The following FERRY3 variants were observed in gnomAD, a reference collection of about 807,000 sequenced individuals.
The protein encoded by FERRY3 is protein C12orf4.
At chr12:4,497,047 C>T in the FERRY3 span, among the ~76,000 whole-genome samples, 1 of 152,096 alleles carries the variant, frequency 6.6e-6, no homozygotes. Context: ...TTTTGACAAG[C>T]TAATTCTCAA....
the FERRY3 span, among the ~76,000 whole-genome samples, chr12:4,520,110 G>A: frequency 3.9e-5 from 6 of 152,314 alleles, no homozygotes; most frequent in South Asian, 1.2e-3. Context: ...GGGGTAAAAA[G>A]AAAGCAGCTA....
At chr12:4,509,366 C>G in the FERRY3 span, 1 of 170,350 alleles carries the variant, frequency 5.9e-6, no homozygotes, top group Non-Finnish European at 1.2e-5. Context: ...AACAAAGCAG[C>G]CGGGAAGCTC....
the FERRY3 span, among the ~76,000 whole-genome samples, chr12:4,533,313 G>A: frequency 3.3e-5 from 5 of 152,180 alleles, no homozygotes; most frequent in East Asian, 9.7e-4. Context: ...CTGACCTTGT[G>A]TTCCCATTTA....
At chr12:4,495,750 C>G in the FERRY3 span, among the ~76,000 whole-genome samples, 5,520 of 152,186 alleles carry the variant, frequency 0.036, 333 homozygotes, top group African/African-American at 0.12. Flanking sequence ...TAATACCCTG[C>G]TTTCTTGCTT....
the FERRY3 span, chr12:4,535,967 C>T: frequency 1.0e-5 from 14 of 1,391,948 alleles, no homozygotes; most frequent in Non-Finnish European, 1.3e-5. This position sits in a 1 kb window ranked among gnomAD's most constrained non-coding sequence, Gnocchi z 4.0. Context: ...CAATGACAGA[C>T]TATTGAAACT....
the FERRY3 span, among the ~76,000 whole-genome samples, chr12:4,521,231 C>T: frequency 2.4e-4 from 37 of 151,904 alleles, no homozygotes; most frequent in Non-Finnish European, 3.8e-4. Context: ...TGGTGGCATA[C>T]GCCTGTAATC....
At chr12:4,505,437 T>G in the FERRY3 span, 1 of 1,193,658 alleles carries the variant, frequency 8.4e-7, no homozygotes, top group Admixed American at 2.0e-5. Flanking sequence ...AATATGTTAC[T>G]ATGACTGCTC....
At chr12:4,518,627 G>A in the FERRY3 span, 1 of 555,868 alleles carries the variant, frequency 1.8e-6, no homozygotes, top group Non-Finnish European at 3.0e-6. Flanking sequence ...GGAGGCCAAG[G>A]TGGGTGGATT....
At chr12:4,522,470 C>T in the FERRY3 span, among the ~76,000 whole-genome samples, 35 of 152,280 alleles carry the variant, frequency 2.3e-4, no homozygotes, top group African/African-American at 8.2e-4. Context: ...AGTAAAATTA[C>T]GAGCTATCAC....
At chr12:4,513,399 A>C in the FERRY3 span, among the ~76,000 whole-genome samples, 9 of 151,942 alleles carry the variant, frequency 5.9e-5, no homozygotes, top group Non-Finnish European at 4.4e-5. Flanking sequence ...ACTACTTTAA[A>C]GTTCATATGG....
At chr12:4,490,360 C>T in the FERRY3 span, among the ~76,000 whole-genome samples, 1 of 152,182 alleles carries the variant, frequency 6.6e-6, no homozygotes, top group Non-Finnish European at 1.5e-5. Flanking sequence ...TGACAATACA[C>T]TAAGTGCCTT....
chr12:4,496,369 T>C, the FERRY3 span, among the ~76,000 whole-genome samples: 14 of 152,188 alleles, frequency 9.2e-5, no homozygotes, highest in Non-Finnish European at 1.9e-4. Flanking sequence ...TATGATATAA[T>C]AGATGGTATA....
At chr12:4,498,988 C>T in the FERRY3 span, among the ~76,000 whole-genome samples, 1 of 151,998 alleles carries the variant, frequency 6.6e-6, no homozygotes, top group East Asian at 1.9e-4. Context: ...GTTTGGGAGC[C>T]CTGTTATACA....
chr12:4,493,839 T>C, the FERRY3 span, among the ~76,000 whole-genome samples: 3 of 152,122 alleles, frequency 2.0e-5, no homozygotes, highest in African/African-American at 7.2e-5. Flanking sequence ...ACACCTGTAA[T>C]CCCAGCACTT....
At chr12:4,492,497 C>G in the FERRY3 span, among the ~76,000 whole-genome samples, 3,544 of 152,342 alleles carry the variant, frequency 0.023, 147 homozygotes, top group African/African-American at 0.08. Context: ...CTTTACGTGA[C>G]ATCATCAATG....
chr12:4,517,605 A>G, the FERRY3 span, among the ~76,000 whole-genome samples: 2 of 150,276 alleles, frequency 1.3e-5, no homozygotes, highest in African/African-American at 4.9e-5. Flanking sequence ...TTACAAATTT[A>G]GAAATAATCA....
the FERRY3 span, among the ~76,000 whole-genome samples, chr12:4,500,865 A>C: frequency 6.6e-6 from 1 of 152,122 alleles, no homozygotes; most frequent in African/African-American, 2.4e-5. Context: ...GTTGGCTAGG[A>C]TGGCCTCCAT....
chr12:4,490,464 C>G, the FERRY3 span: 1 of 1,363,096 alleles, frequency 7.3e-7, no homozygotes, highest in Non-Finnish European at 1.0e-6. Flanking sequence ...CTAGCTGTAT[C>G]TGTGAGAAAT....
At chr12:4,502,232 A>G in the FERRY3 span, 1 of 335,006 alleles carries the variant, frequency 3.0e-6, no homozygotes, top group Middle Eastern at 1.1e-3. This position sits in a 1 kb window ranked among gnomAD's most constrained non-coding sequence, Gnocchi z 4.2. Flanking sequence ...TATTATGTTA[A>G]AGAGACCACT....
Sources: allele counts gnomAD v4.1 joint callset (sites outside exome capture counted in the v4.1 genomes callset), GRCh38; gene constraint gnomAD v4.1.1; non-coding constraint Gnocchi (gnomAD v3.1); transcripts MANE v1.5; gene names NCBI Gene and HGNC (gene_info 2026-07-23, HGNC 2026-07-21).